The following TUSC3 variants were observed in gnomAD, a reference collection of about 807,000 sequenced individuals.
The protein encoded by TUSC3 is tumor suppressor candidate 3.
In TUSC3, 45 loss-of-function variants were observed where a neutral mutation model predicts 44.8. That is an observed-to-expected ratio of 1.00 (90% CI 0.79 to 1.29). The LOEUF (loss-of-function observed/expected upper bound fraction) is 1.29. Among genes scored for constraint, TUSC3 ranks in the 50% most tolerant of loss-of-function variants. The pLI is 0.00. For synonymous variants in TUSC3, 212 were observed against 152.9 expected, an observed-to-expected ratio of 1.39 and a Z score of -2.85; for missense variants, 519 against 437.9, an observed-to-expected ratio of 1.19 and a Z score of -1.65.
the TUSC3 span, among the ~76,000 whole-genome samples, chr8:15,802,471 G>C: frequency 6.6e-6 from 1 of 152,122 alleles, no homozygotes; most frequent in East Asian, 1.9e-4. Flanking sequence ...CGCCAGGCTG[G>C]AGTGCAGCGG....
intron 1 of TUSC3, among the ~76,000 whole-genome samples, chr8:15,569,859 G>T (rs1802806473): frequency 6.6e-6 from 1 of 152,122 alleles, no homozygotes. Flanking sequence ...CGGACCAAAG[G>T]TTTAACATGT....
chr8:15,532,662 T>C (rs1414035635), intron 2 of TUSC3, among the ~76,000 whole-genome samples: 1 of 152,226 alleles, frequency 6.6e-6, no homozygotes, highest in Non-Finnish European at 1.5e-5. Context: ...GGTTTGGTTC[T>C]GTGTCCCCAC....
intron 9 of TUSC3, among the ~76,000 whole-genome samples, chr8:15,751,447 C>T (rs1811699080): frequency 6.6e-6 from 1 of 152,068 alleles, no homozygotes; most frequent in Non-Finnish European, 1.5e-5. Context: ...TTCTATGTCC[C>T]TTTGGCTCCC....
intron 9 of TUSC3, among the ~76,000 whole-genome samples, chr8:15,753,445 A>G (rs1204404702): frequency 6.6e-6 from 1 of 152,084 alleles, no homozygotes; most frequent in African/African-American, 2.4e-5. Flanking sequence ...TATATAGTAT[A>G]ACTGTTCCCT....
chr8:15,506,984 C>T (rs867259290), intron 2 of TUSC3, among the ~76,000 whole-genome samples: 4 of 152,312 alleles, frequency 2.6e-5, no homozygotes, highest in Middle Eastern at 3.4e-3. Flanking sequence ...GCTGTTTATG[C>T]TTTGTTTAAC....
intron 1 of TUSC3, among the ~76,000 whole-genome samples, chr8:15,586,463 G>A (rs1046745900): frequency 3.9e-5 from 6 of 152,042 alleles, no homozygotes; most frequent in Non-Finnish European, 8.8e-5. Flanking sequence ...ATAGGAGAGT[G>A]GGATAGAAGA....
chr8:15,470,258 C>CA (rs75794739), intron 1 of TUSC3, among the ~76,000 whole-genome samples: 33,940 of 101,518 alleles, frequency 0.33, 4,402 homozygotes, highest in Admixed American at 0.41. Context: ...GACCCTGTCT[C>CA]AAAAAAAAAA....
the TUSC3 span, among the ~76,000 whole-genome samples, chr8:15,813,325 C>A: frequency 6.6e-6 from 1 of 151,488 alleles, no homozygotes; most frequent in South Asian, 2.1e-4. Flanking sequence ...CAACTCAAGG[C>A]AGCTGAGTCC....
At chr8:15,733,021 C>G (rs1165656113) in intron 7 of TUSC3, among the ~76,000 whole-genome samples, 1 of 152,136 alleles carries the variant, frequency 6.6e-6, no homozygotes, top group Non-Finnish European at 1.5e-5. Context: ...TAGTTTGTCT[C>G]ATAGACTGGA....
chr8:15,734,655 A>G (rs1290096912), intron 7 of TUSC3, among the ~76,000 whole-genome samples: 5 of 152,228 alleles, frequency 3.3e-5, no homozygotes, highest in African/African-American at 7.2e-5. Flanking sequence ...TAATACAGTG[A>G]GACAAATGTA....
At chr8:15,732,229 C>G (rs543104365) in intron 7 of TUSC3, among the ~76,000 whole-genome samples, 15 of 152,240 alleles carry the variant, frequency 9.9e-5, no homozygotes, top group African/African-American at 3.1e-4. Context: ...CTAAATCTCA[C>G]CTTGAATTGT....
intron 1 of TUSC3, among the ~76,000 whole-genome samples, chr8:15,419,943 C>T (rs1003460964): frequency 3.9e-5 from 6 of 152,028 alleles, no homozygotes; most frequent in African/African-American, 1.4e-4. Context: ...AAGCATTCCA[C>T]ATATTTAATT....
At chr8:15,436,579 G>T (rs1799948003) in intron 1 of TUSC3, among the ~76,000 whole-genome samples, 1 of 152,144 alleles carries the variant, frequency 6.6e-6, no homozygotes, top group Non-Finnish European at 1.5e-5. Flanking sequence ...AAACCGTATG[G>T]AGTACAGAGC....
At chr8:15,702,059 G>A (rs904808233) in intron 6 of TUSC3, among the ~76,000 whole-genome samples, 18 of 152,220 alleles carry the variant, frequency 1.2e-4, no homozygotes, top group African/African-American at 3.9e-4. Context: ...GAAATGGGAC[G>A]AGAATGGAAG....
chr8:15,475,958 A>G (rs557972901), intron 1 of TUSC3, among the ~76,000 whole-genome samples: 1 of 152,270 alleles, frequency 6.6e-6, no homozygotes, highest in South Asian at 2.1e-4. Flanking sequence ...ATAGAACAGG[A>G]CTTCTGGAAT....
At chr8:15,523,660 ATATATGTGTGTG>A (rs1303179144) in intron 2 of TUSC3, among the ~76,000 whole-genome samples, 12 of 16,402 alleles carry the variant, frequency 7.3e-4, no homozygotes, top group African/African-American at 2.5e-3. Context: ...ATATATATAT[ATATATGTGTGTG>A]TGTGTGTGTG....
chr8:15,705,718 C>T (rs1307484699), intron 6 of TUSC3, among the ~76,000 whole-genome samples: 1 of 152,010 alleles, frequency 6.6e-6, no homozygotes, highest in Non-Finnish European at 1.5e-5. Flanking sequence ...GGTCTTTGTG[C>T]CTCTCTCCTG....
intron 2 of TUSC3, among the ~76,000 whole-genome samples, chr8:15,638,515 C>CTTTTTTT (rs547743726): frequency 5.8e-4 from 47 of 81,088 alleles, no homozygotes; most frequent in African/African-American, 1.0e-3. Flanking sequence ...TTCTTTTTTT[C>CTTTTTTT]TTTTTTTTTT....
At chr8:15,649,539 G>C (rs190869033) in intron 2 of TUSC3, among the ~76,000 whole-genome samples, 36 of 151,140 alleles carry the variant, frequency 2.4e-4, no homozygotes, top group African/African-American at 4.9e-4. Context: ...AGCCGAGATC[G>C]CGCCACTGCA....
Sources: allele counts gnomAD v4.1 joint callset (sites outside exome capture counted in the v4.1 genomes callset), GRCh38; gene constraint gnomAD v4.1.1; transcripts MANE v1.5; gene names NCBI Gene and HGNC (gene_info 2026-07-23, HGNC 2026-07-21).